Variants in ANK3 observed in about 807,000 individuals in gnomAD.
The protein encoded by ANK3 is ankyrin-3.
ANK3 carries 57 observed loss-of-function variants against 370.9 expected under a neutral mutation model. The observed-to-expected ratio is 0.15, with a 90% CI of 0.12 to 0.19. ANK3 has a LOEUF of 0.19. Among genes scored for constraint, ANK3 ranks in the 10% least tolerant of loss-of-function variants. The probability of loss-of-function intolerance (pLI) is 1.00; values close to 1 mark genes in which losing one functional copy is unlikely to be tolerated. For missense variants in ANK3, 4,439 were observed against 5,302.1 expected (o/e 0.84, Z 5.06); for synonymous variants, 1,929 against 1,946.3 (o/e 0.99, Z 0.23).
At chr10:60,271,703 C>A (rs977610079) in intron 4 of ANK3, among the ~76,000 whole-genome samples, 1 of 151,984 alleles carries the variant, frequency 6.6e-6, no homozygotes, top group Non-Finnish European at 1.5e-5. Flanking sequence ...TATATGATCA[C>A]CTTACTTATC....
intron 1 of ANK3, among the ~76,000 whole-genome samples, chr10:60,658,491 T>C (rs1274735487): frequency 6.6e-6 from 1 of 152,006 alleles, no homozygotes; most frequent in Non-Finnish European, 1.5e-5. Context: ...CACACATCCT[T>C]AGAACTATTA....
intron 2 of ANK3, among the ~76,000 whole-genome samples, chr10:60,500,824 C>G (rs1007077945): frequency 2.0e-5 from 3 of 152,148 alleles, no homozygotes; most frequent in Non-Finnish European, 4.4e-5. Context: ...ATTTTTCCTT[C>G]AAGGCCCAGA....
In ANK3 at chr10:60,166,586, A is replaced by C. The variant is rs1457534232; in HGVS notation, c.2614+5T>G. The C allele has an allele frequency of 6.2e-7, 1 of 1,611,222 alleles. No homozygotes were observed. Among genetic ancestry groups the C allele is most frequent in the Non-Finnish European group, 8.5e-7 (1 of 1,178,888 alleles). On this transcript the variant is annotated splice_donor_5th_base_variant and intron_variant, in intron 23 of 43. Transcript: ENST00000280772. The stretch of plus-strand genomic sequence containing the variant: ...AGTTTCATCACAATAAAAATTTACA[A>C]ATACCTTCTTCAACATCTGAGATAT...
At position 60,636,119 on chromosome 10, in the gene ANK3, T is replaced by C. The variant is rs146801941; in HGVS notation, c.58-20895A>G. On this transcript the variant is annotated intron_variant, in intron 1 of 43. Transcript: ENST00000373827. Reference sequence around the variant, plus strand: ...ACTAAAATCATGCTTATTAAAAGAATCTTTGGCAAGCTGGAAATTTAAATC... The same window carrying C: ...ACTAAAATCATGCTTATTAAAAGAACCTTTGGCAAGCTGGAAATTTAAATC... Among the ~76,000 whole-genome samples the C allele has an allele frequency of 5.0e-3, 706 of 141,398 alleles. 5 individuals are homozygous for C. Among genetic ancestry groups the C allele is most frequent in the African/African-American group, 0.018 (663 of 37,796 alleles). The allele number at this position is 141,398 out of a possible 152,430, so 92.8% of individuals were successfully genotyped here. A position where few individuals can be genotyped will look rare whatever the true frequency, so the allele number is the denominator to read the frequency against.
At chr10:60,183,157 T>C (rs1280876490) in intron 17 of ANK3, among the ~76,000 whole-genome samples, 3 of 152,196 alleles carry the variant, frequency 2.0e-5, no homozygotes. Context: ...GGCCTTTCTC[T>C]CTTCTCGTTT....
At chr10:60,503,474 T>G (rs2075857972) in intron 2 of ANK3, among the ~76,000 whole-genome samples, 1 of 152,126 alleles carries the variant, frequency 6.6e-6, no homozygotes, top group Admixed American at 6.6e-5. Context: ...ATTCAGAAAC[T>G]GAGGCTTCTC....
exon 2 of ANK3, chr10:60,615,190 C>T (rs755201948): frequency 6.6e-7 from 1 of 1,515,266 alleles, no homozygotes; most frequent in East Asian, 2.5e-5. Flanking sequence ...CATTACCTTT[C>T]TAGAGCTTCG....
intron 2 of ANK3, among the ~76,000 whole-genome samples, chr10:60,540,686 G>A (rs1272248631): frequency 1.3e-5 from 2 of 151,898 alleles, no homozygotes; most frequent in African/African-American, 4.8e-5. Flanking sequence ...GGTTTAGAAT[G>A]TCTCTAAAAC....
rs2080150087 is a variant in ANK3, at chr10:60,060,330, A to AAAT, written c.12596-901_12596-900insATT. 4 of 171,344 alleles carry AAAT rather than the reference A, an allele frequency of 2.3e-5. No individual in the cohort carries two copies. In the South Asian group the frequency reaches 7.4e-4, roughly 32 times the overall value. The allele number at this position is 171,344 out of a possible 1,614,324, so 10.6% of individuals were successfully genotyped here. On this transcript the variant is annotated intron_variant, in intron 40 of 43. Transcript: ENST00000280772. ...ATATATTTAAGTTTATATAAAGACC[A>AAAT]ATATAAAGTTAGTTGTCATTACATG...
intron 2 of ANK3, among the ~76,000 whole-genome samples, chr10:60,433,887 G>T (rs140054351): frequency 1.4e-3 from 212 of 152,312 alleles, no homozygotes; most frequent in Middle Eastern, 3.4e-3. Context: ...AGCAGGATAT[G>T]CATGGCCTGC....
chr10:60,293,598 A>G (rs768613731), intron 1 of ANK3, among the ~76,000 whole-genome samples: 1 of 152,140 alleles, frequency 6.6e-6, no homozygotes, highest in Non-Finnish European at 1.5e-5. Context: ...TGTTCTTCCT[A>G]CCACCTAATG....
intron 24 of ANK3, chr10:60,137,343 T>C: frequency 2.9e-6 from 1 of 339,608 alleles, no homozygotes; most frequent in Non-Finnish European, 5.6e-6. Flanking sequence ...TCTTCTTACC[T>C]TATCTTGGGA....
intron 1 of ANK3, among the ~76,000 whole-genome samples, chr10:60,629,650 A>G (rs948640029): frequency 1.3e-5 from 2 of 152,206 alleles, no homozygotes; most frequent in East Asian, 3.9e-4. Flanking sequence ...CATTTATTAC[A>G]AATGTTATGG....
At chr10:60,567,058 C>T (rs1162925311) in intron 2 of ANK3, among the ~76,000 whole-genome samples, 2 of 152,206 alleles carry the variant, frequency 1.3e-5, no homozygotes, top group Admixed American at 1.3e-4. Flanking sequence ...CAAAGTGAAG[C>T]AGCAAGTGCT....
At chr10:60,083,351 G>T in intron 33 of ANK3, 141 bp downstream of exon 33, 1 of 834,140 alleles carries the variant, frequency 1.2e-6, no homozygotes, top group Non-Finnish European at 1.8e-6. Flanking sequence ...TACTCTGGTA[G>T]AACCAGAACA....
intron 38 of ANK3, among the ~76,000 whole-genome samples, chr10:60,066,320 A>G (rs1308063230): frequency 6.6e-6 from 1 of 152,234 alleles, no homozygotes; most frequent in South Asian, 2.1e-4. Context: ...TATTTGCTTA[A>G]GGAAAATAAT....
At chr10:60,729,344 C>T (rs1000155672) in intron 1 of ANK3, among the ~76,000 whole-genome samples, 3 of 152,114 alleles carry the variant, frequency 2.0e-5, no homozygotes, top group Non-Finnish European at 2.9e-5. Flanking sequence ...CTTGACATCC[C>T]CCAGAGAAGT....
intron 20 of ANK3, 113 bp downstream of exon 20, chr10:60,172,787 G>C (rs983765079): frequency 1.1e-5 from 7 of 662,346 alleles, no homozygotes; most frequent in African/African-American, 1.8e-5. Flanking sequence ...TCATTCTACT[G>C]AATGCTCTGT....
At chr10:60,498,310 A>G (rs1595150287) in intron 2 of ANK3, among the ~76,000 whole-genome samples, 1 of 152,146 alleles carries the variant, frequency 6.6e-6, no homozygotes, top group East Asian at 1.9e-4. Context: ...AAATATGTTG[A>G]CTCTGGGTTT....
Sources: gnomAD v4.1 joint callset for allele counts (sites outside exome capture counted in the v4.1 genomes callset) on GRCh38, gnomAD v4.1.1 for gene constraint, MANE v1.5 for transcripts, NCBI Gene and HGNC (gene_info 2026-07-23, HGNC 2026-07-21) for gene names.